Variants in TRA2B observed in about 807,000 individuals in gnomAD.
The protein encoded by TRA2B is transformer 2 beta homolog, also known as transformer-2 protein homolog beta.
TRA2B carries 14 observed loss-of-function variants against 41.7 expected under a neutral mutation model. That is an observed-to-expected ratio of 0.34 (90% CI 0.22 to 0.53). The LOEUF is 0.53. TRA2B is among the 20% of genes least tolerant of loss of function. TRA2B has a pLI of 0.95. For missense variants in TRA2B, 167 were observed against 396.8 expected, an observed-to-expected ratio of 0.42 and a Z score of 4.92; for synonymous variants, 130 against 128.8, an observed-to-expected ratio of 1.01 and a Z score of -0.06.
intron 1 of TRA2B, chr3:185,934,627 T>C (rs1463117826): frequency 1.0e-6 from 1 of 985,190 alleles, no homozygotes; most frequent in Non-Finnish European, 1.2e-6. Flanking sequence ...TTAAAGGAAA[T>C]TTGGTGAGAT....
intron 5 of TRA2B, 135 bp from the exon 6 acceptor site, chr3:185,921,322 G>A: frequency 1.4e-6 from 1 of 724,616 alleles, no homozygotes; most frequent in Non-Finnish European, 2.4e-6. Context: ...CCTATATTGA[G>A]CAAACATTGC....
At chr3:185,937,408 C>A in intron 1 of TRA2B, 6 of 1,010,338 alleles carry the variant, frequency 5.9e-6, no homozygotes, top group Non-Finnish European at 7.1e-6. Flanking sequence ...GTCCGCGTTG[C>A]CGCGCGGCTT....
chr3:185,928,792 G>A (rs1744047305), intron 1 of TRA2B: 1 of 152,224 alleles, frequency 6.6e-6, no homozygotes, highest in Admixed American at 6.5e-5. Flanking sequence ...GTAGTTAACA[G>A]AAATCAGTCA....
chr3:185,927,997 G>C (rs917193602), intron 1 of TRA2B: 3 of 152,184 alleles, frequency 2.0e-5, no homozygotes, highest in African/African-American at 7.2e-5. Flanking sequence ...GTCACTATAT[G>C]GCATGAATCA....
intron 2 of TRA2B, among the ~76,000 whole-genome samples, chr3:185,926,329 G>GAACT (rs148844074): frequency 0.085 from 12,882 of 152,092 alleles, 867 homozygotes; most frequent in South Asian, 0.3. Context: ...CAACCCTGAA[G>GAACT]AACTGGTACT....
In TRA2B at chr3:185,937,170, A is replaced by C. The variant is rs1348551768; in HGVS notation, c.36+655T>G. On this transcript the variant is annotated intron_variant, in intron 1 of 8. Coordinates refer to ENST00000453386, the MANE Select transcript of TRA2B (RefSeq NM_004593.3). ...GAAAAGCGCTTCATTTAGGCCAAAC[A>C]CAAAGCCCTCACGCAATCCCCTCCA... The C allele has an allele frequency of 7.1e-6, 7 of 985,510 alleles. No homozygotes were observed. The East Asian group carries it at 7.9e-4, about 111-fold the overall frequency. 61.0% of individuals were successfully genotyped at this position (985,510 alleles called of 1,614,324 possible). A position where few individuals can be genotyped will look rare whatever the true frequency, so the allele number is the denominator to read the frequency against.
chr3:185,936,961 G>A, intron 1 of TRA2B: 2 of 985,310 alleles, frequency 2.0e-6, no homozygotes, highest in Non-Finnish European at 1.2e-6. Context: ...CACACGCTGT[G>A]GTTCTAAGTA....
chr3:185,936,759 A>C, intron 1 of TRA2B: 1 of 985,204 alleles, frequency 1.0e-6, no homozygotes, highest in Non-Finnish European at 1.2e-6. Context: ...CCCTTCTAAC[A>C]GATTCCTCTT....
In TRA2B at chr3:185,915,055, A is replaced by T. The variant is rs1743455030; in HGVS notation, c.*2660T>A. 6.6e-6 allele frequency among the ~76,000 whole-genome samples: 1 copy of T among 152,092 alleles called. No individual in the cohort carries two copies. The highest frequency in any genetic ancestry group is 2.1e-4 in the South Asian group (1 of 4,832). On this transcript the variant is annotated 3_prime_UTR_variant, in exon 9 of 9. Transcript: ENST00000453386. The stretch of plus-strand genomic sequence containing the variant: ...TTCCATAAGGAAATGTGCAAGCTAG[A>T]TCCCTCTCAAGCGCACTTCACAATA...
chr3:185,935,053 TCA>T, intron 1 of TRA2B: 1 of 985,400 alleles, frequency 1.0e-6, no homozygotes, highest in Non-Finnish European at 1.2e-6. Flanking sequence ...CATACAAATC[TCA>T]CACAACCTAT....
At position 185,916,282 on chromosome 3, in the gene TRA2B, AG is replaced by A. The variant is rs1743497179; in HGVS notation, c.*1432del. ...GACTAAGATCACCTAGGTTCAATTC[AG>A]ATCGTGGCATTGCCACTTAAACAGC... On this transcript the variant is annotated 3_prime_UTR_variant, in exon 9 of 9. Coordinates refer to ENST00000453386, the MANE Select transcript of TRA2B (RefSeq NM_004593.3). The A allele has an allele frequency of 6.6e-6, 1 of 152,258 alleles. No individual in the cohort carries two copies. The highest frequency in any genetic ancestry group is 6.5e-5 in the Admixed American group (1 of 15,284). 9.4% of individuals were successfully genotyped at this position (152,258 alleles called of 1,614,324 possible).
chr3:185,918,581 TGA>T, intron 7 of TRA2B, 143 bp from the exon 8 acceptor site: 1 of 506,106 alleles, frequency 2.0e-6, no homozygotes, highest in Non-Finnish European at 3.5e-6. Flanking sequence ...GTTTAAATCT[TGA>T]GAATGAAGCA....
chr3:185,934,368 T>C, intron 1 of TRA2B: 1 of 985,400 alleles, frequency 1.0e-6, no homozygotes, highest in Non-Finnish European at 1.2e-6. Context: ...CAAATCCCAT[T>C]AACACTTCCC....
intron 6 of TRA2B, among the ~76,000 whole-genome samples, chr3:185,920,586 GCT>G (rs915982921): frequency 6.6e-6 from 1 of 151,292 alleles, no homozygotes; most frequent in Non-Finnish European, 1.5e-5. Flanking sequence ...TGAGTCTCTC[GCT>G]CTGTTGCCTA....
At chr3:185,935,978 C>T (rs997026327) in intron 1 of TRA2B, 1 of 985,272 alleles carries the variant, frequency 1.0e-6, no homozygotes. Context: ...TGTACTTTTA[C>T]TAGTAAAAAG....
chr3:185,926,510 A>C, intron 2 of TRA2B, 91 bp downstream of exon 2: 1 of 1,521,790 alleles, frequency 6.6e-7, no homozygotes, highest in Non-Finnish European at 9.0e-7. Flanking sequence ...GCCAACAAAT[A>C]ATCTAACCCT....
intron 6 of TRA2B, among the ~76,000 whole-genome samples, chr3:185,919,724 A>G (rs1743643056): frequency 6.6e-6 from 1 of 152,194 alleles, no homozygotes; most frequent in Admixed American, 6.5e-5. Flanking sequence ...TAAAAAAAAA[A>G]ATCAAACTAA....
intron 1 of TRA2B, chr3:185,931,507 C>A: frequency 9.4e-7 from 1 of 1,062,964 alleles, no homozygotes; most frequent in Non-Finnish European, 1.1e-6. Context: ...ATATATTTTC[C>A]TCTATTAAAC....
intron 5 of TRA2B, among the ~76,000 whole-genome samples, chr3:185,921,558 A>G (rs1346400648): frequency 6.6e-6 from 1 of 152,100 alleles, no homozygotes; most frequent in Non-Finnish European, 1.5e-5. Context: ...AGGTCAGGAG[A>G]TCGAGAACAT....
Sources: gnomAD v4.1 joint callset for allele counts (sites outside exome capture counted in the v4.1 genomes callset) on GRCh38, gnomAD v4.1.1 for gene constraint, MANE v1.5 for transcripts, NCBI Gene and HGNC (gene_info 2026-07-23, HGNC 2026-07-21) for gene names.